The following PIK3C3 variants were observed in gnomAD, a reference collection of about 807,000 sequenced individuals.
PIK3C3 encodes phosphatidylinositol 3-kinase catalytic subunit type 3.
PIK3C3 carries 95 observed loss-of-function variants against 126.1 expected under a neutral mutation model. That is an observed-to-expected ratio of 0.75 (90% CI 0.64 to 0.89). The LOEUF (loss-of-function observed/expected upper bound fraction) is 0.89. PIK3C3 is among the 40% of genes least tolerant of loss of function. PIK3C3 has a pLI of 0.00. For missense variants in PIK3C3, 829 were observed against 1,063.2 expected, an observed-to-expected ratio of 0.78 and a Z score of 3.06; for synonymous variants, 374 against 360.0, an observed-to-expected ratio of 1.04 and a Z score of -0.44.
intron 18 of PIK3C3, 71 bp from the exon 19 acceptor site, chr18:42,040,606 C>T (rs1017356505): frequency 1.9e-6 from 2 of 1,048,202 alleles, no homozygotes; most frequent in East Asian, 2.4e-5. Context: ...GAGGATTATT[C>T]TTAGCAGAAC....
chr18:42,067,299 C>G (rs1393389946), intron 23 of PIK3C3, 89 bp from the exon 24 acceptor site: 23 of 1,160,910 alleles, frequency 2.0e-5, no homozygotes, highest in Non-Finnish European at 2.9e-5. Context: ...GCTCATGTTA[C>G]CTTATAATGT....
chr18:41,969,631 G>A (rs1980553818), intron 3 of PIK3C3, among the ~76,000 whole-genome samples: 1 of 152,172 alleles, frequency 6.6e-6, no homozygotes, highest in African/African-American at 2.4e-5. Context: ...TTTAGAACAT[G>A]CCTTTTATGG....
At chr18:42,063,283 G>C (rs894614636) in intron 22 of PIK3C3, among the ~76,000 whole-genome samples, 17 of 152,096 alleles carry the variant, frequency 1.1e-4, no homozygotes, top group African/African-American at 3.9e-4. Context: ...TAAACTTCAT[G>C]AATGTGGGGA....
chr18:41,963,036 A>G (rs539421907), intron 3 of PIK3C3, among the ~76,000 whole-genome samples: 22 of 152,290 alleles, frequency 1.4e-4, no homozygotes, highest in African/African-American at 5.3e-4. Flanking sequence ...AATGATTGTG[A>G]TAGAAAAGAT....
intron 15 of PIK3C3, among the ~76,000 whole-genome samples, chr18:42,031,675 C>T (rs1032090954): frequency 2.6e-5 from 4 of 152,164 alleles, no homozygotes; most frequent in Non-Finnish European, 5.9e-5. Context: ...CCTCGGCCTT[C>T]CAAAGTGCTG....
At chr18:41,990,960 T>C (rs1226450233) in intron 6 of PIK3C3, among the ~76,000 whole-genome samples, 3 of 152,192 alleles carry the variant, frequency 2.0e-5, no homozygotes, top group African/African-American at 7.2e-5. Context: ...GTATGTGTAA[T>C]GTCTATATGT....
At chr18:42,019,020 C>T (rs1983202083) in intron 12 of PIK3C3, among the ~76,000 whole-genome samples, 1 of 152,078 alleles carries the variant, frequency 6.6e-6, no homozygotes, top group Non-Finnish European at 1.5e-5. Context: ...CTCTGTTCTT[C>T]ATGCCCCGCC....
At chr18:41,984,738 G>T (rs1037140149) in intron 4 of PIK3C3, 1 of 152,140 alleles carries the variant, frequency 6.6e-6, no homozygotes, top group Non-Finnish European at 1.5e-5. Flanking sequence ...ACAATTAATT[G>T]TATTATTTGC....
At chr18:42,033,778 A>C (rs750631904) in intron 15 of PIK3C3, 48 bp from the exon 16 acceptor site, 1 of 1,415,182 alleles carries the variant, frequency 7.1e-7, no homozygotes, top group Non-Finnish European at 9.6e-7. Context: ...ATGTTTTATA[A>C]ACTACTCTTC....
chr18:42,057,317 T>A (rs1204870597), intron 21 of PIK3C3, among the ~76,000 whole-genome samples: 1 of 152,158 alleles, frequency 6.6e-6, no homozygotes, highest in African/African-American at 2.4e-5. Flanking sequence ...TAAGTCAGTC[T>A]TTCTTACATA....
At chr18:41,961,884 A>G (rs928174331) in intron 2 of PIK3C3, among the ~76,000 whole-genome samples, 1 of 152,200 alleles carries the variant, frequency 6.6e-6, no homozygotes, top group Non-Finnish European at 1.5e-5. Context: ...AAGAATATAT[A>G]CAGATGTGCT....
chr18:42,080,971 T>C, intron 24 of PIK3C3, 152 bp from the exon 25 acceptor site: 1 of 545,926 alleles, frequency 1.8e-6, no homozygotes, highest in East Asian at 3.0e-5. Flanking sequence ...CTATACAGTA[T>C]AGTTAATTGC....
At position 42,084,790 on chromosome 18, in the gene PIK3C3, A is replaced by G. The variant is rs1279214016; in HGVS notation, c.*3653A>G. On this transcript the variant is annotated 3_prime_UTR_variant, in exon 25 of 25. Coordinates refer to ENST00000262039, the MANE Select transcript of PIK3C3 (RefSeq NM_002647.4). ...CTCCTGGGAACCTTATTAAATGTGCACATTCCCAATCCCCACTCCTGAGCA... is the reference window on the plus strand; with the variant it reads ...CTCCTGGGAACCTTATTAAATGTGCGCATTCCCAATCCCCACTCCTGAGCA... The G allele has an allele frequency of 2.0e-5, 3 of 152,176 alleles. No homozygotes were observed. The highest frequency in any genetic ancestry group is 3.9e-4 in the East Asian group (2 of 5,190). The allele number at this position is 152,176 out of a possible 1,614,324, so 9.4% of individuals were successfully genotyped here.
chr18:41,955,846 G>C (rs931102352), intron 1 of PIK3C3, among the ~76,000 whole-genome samples: 1 of 143,722 alleles, frequency 7.0e-6, no homozygotes, highest in Non-Finnish European at 1.5e-5. Flanking sequence ...GGCCTAGAGT[G>C]AATCTTTGGG....
chr18:41,999,197 T>C (rs1982166009), intron 9 of PIK3C3, among the ~76,000 whole-genome samples: 1 of 152,144 alleles, frequency 6.6e-6, no homozygotes, highest in Admixed American at 6.5e-5. Flanking sequence ...TTATGAAGTA[T>C]TTTCAAATTC....
intron 12 of PIK3C3, among the ~76,000 whole-genome samples, chr18:42,016,966 A>G (rs1983103170): frequency 6.6e-6 from 1 of 152,158 alleles, no homozygotes; most frequent in African/African-American, 2.4e-5. Context: ...TAGGCTAAAA[A>G]TGATAGTTTG....
intron 19 of PIK3C3, among the ~76,000 whole-genome samples, chr18:42,041,528 A>G (rs1984320022): frequency 2.7e-5 from 4 of 146,804 alleles, no homozygotes. Context: ...ATTAGTTCTT[A>G]TAACATGTTA....
chr18:42,065,039 C>T (rs1985478320), intron 23 of PIK3C3, among the ~76,000 whole-genome samples: 1 of 152,174 alleles, frequency 6.6e-6, no homozygotes, highest in Non-Finnish European at 1.5e-5. Context: ...CAGCCCAAAG[C>T]TTAAAGAACT....
chr18:42,047,125 A>G (rs373664462), intron 20 of PIK3C3, among the ~76,000 whole-genome samples: 65 of 152,336 alleles, frequency 4.3e-4, no homozygotes, highest in Non-Finnish European at 6.6e-4. Flanking sequence ...GTGAATCAGT[A>G]TTCTATAGAG....
Sources: allele counts gnomAD v4.1 joint callset (sites outside exome capture counted in the v4.1 genomes callset), GRCh38; gene constraint gnomAD v4.1.1; transcripts MANE v1.5; gene names NCBI Gene and HGNC (gene_info 2026-07-23, HGNC 2026-07-21).